Variants in RGS7 observed in about 807,000 individuals in gnomAD.
RGS7 encodes regulator of G-protein signaling 7.
RGS7 carries 27 observed loss-of-function variants against 81.1 expected under a neutral mutation model. The ratio of observed to expected loss-of-function variants is 0.33; its 90% confidence interval spans 0.25 to 0.46. The LOEUF (loss-of-function observed/expected upper bound fraction) is 0.46, where lower values mean the gene tolerates loss of function less well. Ranked by LOEUF, RGS7 falls within the 20% of genes least tolerant of loss-of-function variation. RGS7 has a pLI of 1.00. For missense variants in RGS7, 396 were observed against 607.4 expected, an observed-to-expected ratio of 0.65 and a Z score of 3.66; for synonymous variants, 208 against 207.7, an observed-to-expected ratio of 1.00 and a Z score of -0.01.
chr1:241,072,268 C>T (rs1399287131), intron 3 of RGS7, among the ~76,000 whole-genome samples: 6 of 152,216 alleles, frequency 3.9e-5, no homozygotes, highest in Non-Finnish European at 8.8e-5. Context: ...TGTGGCGTTG[C>T]ATGCTCCCAC....
chr1:240,799,252 TTTGTG>T (rs1348857295), intron 18 of RGS7, among the ~76,000 whole-genome samples: 1 of 27,374 alleles, frequency 3.7e-5, no homozygotes. Flanking sequence ...ATTATTATGG[TTTGTG>T]TGTGTGTGTG....
At chr1:241,054,343 C>T (rs2061385222) in intron 3 of RGS7, among the ~76,000 whole-genome samples, 1 of 152,192 alleles carries the variant, frequency 6.6e-6, no homozygotes, top group Non-Finnish European at 1.5e-5. Flanking sequence ...GGCAGCCAAA[C>T]TCCTGCGTAC....
At chr1:241,301,718 T>C (rs1468690494) in intron 2 of RGS7, among the ~76,000 whole-genome samples, 1 of 152,246 alleles carries the variant, frequency 6.6e-6, no homozygotes, top group Non-Finnish European at 1.5e-5. Context: ...TTGAAACTTA[T>C]CAATTTTAAG....
chr1:240,841,945 A>G (rs1187240835), intron 9 of RGS7, among the ~76,000 whole-genome samples: 1 of 152,162 alleles, frequency 6.6e-6, no homozygotes. Flanking sequence ...GATTCTTGGA[A>G]AAGTAGAAAC....
At chr1:241,112,396 G>T (rs2065579640) in intron 2 of RGS7, among the ~76,000 whole-genome samples, 1 of 152,050 alleles carries the variant, frequency 6.6e-6, no homozygotes, top group African/African-American at 2.4e-5. Flanking sequence ...CATCCAGCTG[G>T]CTTAGTCCAT....
chr1:241,231,883 C>A (rs756896223), intron 2 of RGS7, among the ~76,000 whole-genome samples: 5 of 152,136 alleles, frequency 3.3e-5, no homozygotes, highest in Non-Finnish European at 7.4e-5. Flanking sequence ...GGTGTTACAT[C>A]TAAAAACTCA....
At chr1:241,253,587 A>C (rs2076928537) in intron 2 of RGS7, among the ~76,000 whole-genome samples, 1 of 152,220 alleles carries the variant, frequency 6.6e-6, no homozygotes, top group African/African-American at 2.4e-5. Flanking sequence ...CTGACCCTCC[A>C]TTAAATGACA....
chr1:241,171,746 T>C (rs116482609), intron 2 of RGS7, among the ~76,000 whole-genome samples: 2,602 of 152,312 alleles, frequency 0.017, 40 homozygotes, highest in Non-Finnish European at 0.024. Flanking sequence ...GGTCCACGAA[T>C]GGGAAGAACT....
chr1:241,289,963 T>C (rs571311338), intron 2 of RGS7, among the ~76,000 whole-genome samples: 1 of 152,150 alleles, frequency 6.6e-6, no homozygotes, highest in Non-Finnish European at 1.5e-5. Flanking sequence ...TAGCTTAGAG[T>C]GAATCTTCTG....
At chr1:241,186,701 A>C (rs918584703) in intron 2 of RGS7, among the ~76,000 whole-genome samples, 1 of 150,256 alleles carries the variant, frequency 6.7e-6, no homozygotes, top group Non-Finnish European at 1.5e-5. Flanking sequence ...TTTTTTTTTT[A>C]TTTTTAGTAG....
chr1:241,328,860 A>G (rs1026855222), intron 2 of RGS7, among the ~76,000 whole-genome samples: 10 of 152,218 alleles, frequency 6.6e-5, no homozygotes, highest in Admixed American at 1.3e-4. Flanking sequence ...AATACTCTGG[A>G]AACAAAGTTG....
At chr1:241,326,613 A>G (rs2081508976) in intron 2 of RGS7, among the ~76,000 whole-genome samples, 1 of 142,986 alleles carries the variant, frequency 7.0e-6, no homozygotes, top group Non-Finnish European at 1.5e-5. Context: ...AATGTCAACA[A>G]TTAGTAAATT....
chr1:241,000,841 G>C (rs1364068951), intron 3 of RGS7, among the ~76,000 whole-genome samples: 1 of 127,218 alleles, frequency 7.9e-6, no homozygotes, highest in African/African-American at 3.2e-5. Flanking sequence ...TTTTTTAGTA[G>C]AAACAGTGTT....
At chr1:241,014,190 C>T (rs914912645) in intron 3 of RGS7, among the ~76,000 whole-genome samples, 1 of 152,192 alleles carries the variant, frequency 6.6e-6, no homozygotes, top group East Asian at 1.9e-4. Flanking sequence ...CTTTCTTTCA[C>T]AACCTTTCAT....
At chr1:241,099,869 G>A (rs560026253) in intron 2 of RGS7, among the ~76,000 whole-genome samples, 1 of 152,296 alleles carries the variant, frequency 6.6e-6, no homozygotes, top group South Asian at 2.1e-4. Flanking sequence ...TGAAATCTGA[G>A]TAAAGTATGT....
intron 9 of RGS7, among the ~76,000 whole-genome samples, chr1:240,855,994 T>C (rs1661051714): frequency 6.6e-6 from 1 of 152,218 alleles, no homozygotes. Context: ...TTTTCTTTTA[T>C]ACATGGTCAG....
chr1:241,100,979 A>G (rs1341527790), intron 2 of RGS7, among the ~76,000 whole-genome samples: 2 of 152,180 alleles, frequency 1.3e-5, no homozygotes, highest in East Asian at 3.9e-4. Context: ...TGCAGGGCCC[A>G]CTCTTTTTCT....
chr1:240,933,845 A>T (rs889647735), intron 5 of RGS7, among the ~76,000 whole-genome samples: 2 of 152,060 alleles, frequency 1.3e-5, no homozygotes, highest in Non-Finnish European at 2.9e-5. Flanking sequence ...CGGTAAATTT[A>T]AAAAATCACA....
Position 241,144,613 on chromosome 1 carries a change from TG to T in RGS7, c.79-45852del, listed in dbSNP as rs1399384235. Among the ~76,000 whole-genome samples the T allele has an allele frequency of 6.6e-6, 1 of 152,230 alleles. No homozygotes were observed. Among genetic ancestry groups the T allele is most frequent in the Non-Finnish European group, 1.5e-5 (1 of 68,046 alleles). ...AGCCTAATCATCTCTGTGGATGTGC[TG>T]TCCTGGGCCTGCTTCGATAAGTGCT... is the stretch of plus-strand genomic sequence containing the variant. On this transcript the variant is annotated intron_variant, in intron 2 of 18. Coordinates refer to ENST00000440928, the MANE Select transcript of RGS7 (RefSeq NM_001364886.1). The surrounding 1 kb of genome is among the most constrained non-coding windows in gnomAD (Gnocchi z 4.7).
Sources: allele counts gnomAD v4.1 joint callset (sites outside exome capture counted in the v4.1 genomes callset), GRCh38; gene constraint gnomAD v4.1.1; non-coding constraint Gnocchi (gnomAD v3.1); transcripts MANE v1.5; gene names NCBI Gene and HGNC (gene_info 2026-07-23, HGNC 2026-07-21).